Variants in STRN observed in about 807,000 individuals in gnomAD.
The protein encoded by STRN is protein phosphatase 2 regulatory subunit B'''alpha.
In STRN, 53 loss-of-function variants were observed where a neutral mutation model predicts 96.3. The observed-to-expected ratio is 0.55, with a 90% CI of 0.44 to 0.69. The LOEUF (loss-of-function observed/expected upper bound fraction) is 0.69. Ranked by LOEUF, STRN falls within the 30% of genes least tolerant of loss-of-function variation. The probability of loss-of-function intolerance (pLI) is 0.00; values close to 1 mark genes in which losing one functional copy is unlikely to be tolerated. For synonymous variants in STRN, 428 were observed against 355.9 expected, an observed-to-expected ratio of 1.20 and a Z score of -2.28; for missense variants, 987 against 963.9, an observed-to-expected ratio of 1.02 and a Z score of -0.32.
chr2:36,878,986 C>G (rs917749431), intron 9 of STRN, among the ~76,000 whole-genome samples: 1 of 151,554 alleles, frequency 6.6e-6, no homozygotes, highest in Non-Finnish European at 1.5e-5. Flanking sequence ...CTCCTGACCT[C>G]AAGTGATCCA....
intron 12 of STRN, 115 bp from the exon 13 acceptor site, chr2:36,861,368 A>T: frequency 7.5e-7 from 1 of 1,333,176 alleles, no homozygotes; most frequent in Non-Finnish European, 1.0e-6. Context: ...TGCTTTTTAT[A>T]AAAAATGAAA....
At chr2:36,884,362 A>G (rs1407617443) in intron 8 of STRN, among the ~76,000 whole-genome samples, 1 of 152,218 alleles carries the variant, frequency 6.6e-6, no homozygotes, top group African/African-American at 2.4e-5. Flanking sequence ...TTAGCCACTG[A>G]ATATTGCTCT....
chr2:36,929,183 T>C (rs193123804), intron 1 of STRN, among the ~76,000 whole-genome samples: 75 of 152,136 alleles, frequency 4.9e-4, no homozygotes, highest in Non-Finnish European at 9.0e-4. Context: ...ATAAAAATAA[T>C]AGAAGGAAGA....
chr2:36,877,560 G>A (rs1390106232), intron 10 of STRN, among the ~76,000 whole-genome samples: 5 of 152,028 alleles, frequency 3.3e-5, no homozygotes, highest in Admixed American at 6.6e-5. Flanking sequence ...TTTTGAGACG[G>A]AGTCTCACTC....
In STRN at chr2:36,842,031, T is replaced by C. The variant is rs549954368; in HGVS notation, c.*7425A>G. On this transcript the variant is annotated 3_prime_UTR_variant, in exon 18 of 18. Transcript: ENST00000263918. ...CTGTTTCTGATAAAATTACTTTTGC[T>C]CTAAGTTAATTTTGTTTATGCATGA... 6.6e-6 allele frequency: 1 copy of C among 152,358 alleles called. No homozygotes were observed. Among genetic ancestry groups the C allele is most frequent in the South Asian group, 2.1e-4 (1 of 4,834 alleles). 9.4% of individuals were successfully genotyped at this position (152,358 alleles called of 1,614,324 possible). A position where few individuals can be genotyped will look rare whatever the true frequency, so the allele number is the denominator to read the frequency against.
rs1667881524 is a variant in STRN at position 36,838,888 on chromosome 2, T to A, written c.*10568A>T. Among the ~76,000 whole-genome samples the A allele has an allele frequency of 6.6e-6, 1 of 152,210 alleles. No individual in the cohort carries two copies. On this transcript the variant is annotated 3_prime_UTR_variant, in exon 18 of 18. Coordinates refer to ENST00000263918, the MANE Select transcript of STRN (RefSeq NM_003162.4). ...AGAGAACGTACATGATCCCATTTAT[T>A]TAAAGCAAACTGCCCACCAAAATAT... is the stretch of plus-strand genomic sequence containing the variant.
chr2:36,953,624 G>A (rs1449156334), intron 1 of STRN, among the ~76,000 whole-genome samples: 3 of 151,966 alleles, frequency 2.0e-5, no homozygotes, highest in Non-Finnish European at 4.4e-5. Context: ...GGATGGTCTC[G>A]ATCTCCTGAC....
intron 6 of STRN, among the ~76,000 whole-genome samples, chr2:36,895,152 C>T (rs1166848676): frequency 2.6e-5 from 4 of 151,882 alleles, no homozygotes; most frequent in Non-Finnish European, 5.9e-5. Flanking sequence ...ACGGTGAAAC[C>T]CTGTCTCTAC....
chr2:36,951,967 C>T (rs988869402), intron 1 of STRN, among the ~76,000 whole-genome samples: 2 of 152,156 alleles, frequency 1.3e-5, no homozygotes, highest in East Asian at 1.9e-4. Context: ...ACAGCCCATG[C>T]GAAGGATCTA....
At chr2:36,877,763 T>C (rs569709768) in intron 10 of STRN, 128 bp downstream of exon 10, 2 of 991,894 alleles carry the variant, frequency 2.0e-6, no homozygotes, top group South Asian at 1.7e-5. Flanking sequence ...TTTGAACTCC[T>C]GACCTCAAGT....
intron 7 of STRN, among the ~76,000 whole-genome samples, chr2:36,891,410 C>T (rs2148185231): frequency 6.6e-6 from 1 of 152,224 alleles, no homozygotes; most frequent in South Asian, 2.1e-4. Context: ...CCTGTAATCC[C>T]AGCTACTCTG....
chr2:36,891,053 C>G (rs1013196390), intron 7 of STRN, among the ~76,000 whole-genome samples: 1 of 152,126 alleles, frequency 6.6e-6, no homozygotes, highest in Non-Finnish European at 1.5e-5. Context: ...TCAGCACCCC[C>G]CAATCCAAAA....
intron 6 of STRN, among the ~76,000 whole-genome samples, chr2:36,894,751 T>C (rs11682966): frequency 0.035 from 5,333 of 152,298 alleles, 139 homozygotes; most frequent in East Asian, 0.13. Context: ...CGCTGGGCTA[T>C]TGTGAGTGGC....
At chr2:36,883,671 C>G (rs964979595) in intron 9 of STRN, among the ~76,000 whole-genome samples, 1 of 152,090 alleles carries the variant, frequency 6.6e-6, no homozygotes, top group African/African-American at 2.4e-5. Context: ...TATATAGGGC[C>G]ATGGGCATCA....
chr2:36,837,819 A>G lies in STRN; in HGVS notation c.*11637T>C, dbSNP rs1316586896. The stretch of plus-strand genomic sequence containing the variant: ...ATAAGAAAATCTGAACATATATTGT[A>G]CAACATACAAAATGCTTTCACAAAC... On this transcript the variant is annotated 3_prime_UTR_variant, in exon 18 of 18. Transcript: ENST00000263918. Among the ~76,000 whole-genome samples, 2 of 152,268 alleles carry G rather than the reference A, an allele frequency of 1.3e-5. No homozygotes were observed. The highest frequency in any genetic ancestry group is 4.8e-5 in the African/African-American group (2 of 41,472).
chr2:36,899,459 T>G (rs1030562375), intron 6 of STRN, 64 bp downstream of exon 6: 97 of 1,345,158 alleles, frequency 7.2e-5, no homozygotes, highest in Non-Finnish European at 9.4e-5. Context: ...GATTCTTTTA[T>G]GCATTATACA....
At chr2:36,917,316 G>A (rs1337435806) in intron 2 of STRN, among the ~76,000 whole-genome samples, 1 of 151,710 alleles carries the variant, frequency 6.6e-6, no homozygotes, top group Non-Finnish European at 1.5e-5. Flanking sequence ...GAGGTCAGGA[G>A]TTTGAGATCA....
At chr2:36,878,726 A>C (rs914583911) in intron 9 of STRN, among the ~76,000 whole-genome samples, 4 of 151,912 alleles carry the variant, frequency 2.6e-5, no homozygotes, top group African/African-American at 9.7e-5. Flanking sequence ...AGTTCATCTA[A>C]AATTTTTTTT....
chr2:36,957,755 T>TTG (rs1664929438), intron 1 of STRN, among the ~76,000 whole-genome samples: 2 of 101,772 alleles, frequency 2.0e-5, no homozygotes, highest in African/African-American at 4.1e-5. Flanking sequence ...TTTTTTTTTT[T>TTG]TTTTTTTTTT....
Sources: allele counts gnomAD v4.1 joint callset (sites outside exome capture counted in the v4.1 genomes callset), GRCh38; gene constraint gnomAD v4.1.1; transcripts MANE v1.5; gene names NCBI Gene and HGNC (gene_info 2026-07-23, HGNC 2026-07-21).